F3: variants seen among roughly 807,000 people sequenced by gnomAD.
F3 encodes the protein coagulation factor III, tissue factor, also known as tissue factor.
A neutral mutation model predicts 33.5 loss-of-function variants in F3; 18 were observed. The ratio of observed to expected loss-of-function variants is 0.54; its 90% CI spans 0.37 to 0.80. The LOEUF is 0.80. F3 is among the 30% of genes least tolerant of loss of function. F3 has a pLI of 0.00. For synonymous variants in F3, 147 were observed against 140.7 expected, an observed-to-expected ratio of 1.05 and a Z score of -0.32; for missense variants, 353 against 362.1, an observed-to-expected ratio of 0.97 and a Z score of 0.20.
At chr1:94,541,193 T>C (rs139367309) in intron 1 of F3, 3 of 268,260 alleles carry the variant, frequency 1.1e-5, no homozygotes, top group African/African-American at 4.4e-5. Flanking sequence ...AGTCCTATCA[T>C]ATTGAAGGTC....
At chr1:94,532,248 G>A in intron 5 of F3, 73 bp downstream of exon 5, 1 of 1,429,012 alleles carries the variant, frequency 7.0e-7, no homozygotes, top group Non-Finnish European at 9.6e-7. Flanking sequence ...CCAGCCCTGA[G>A]GGTGGAGCTA....
rs776217411 is a variant in F3, at chr1:94,535,952, C to T, written c.412+13G>A. The T allele has an allele frequency of 1.4e-5, 22 of 1,613,478 alleles. No individual in the cohort carries two copies. Among genetic ancestry groups the T allele is most frequent in the Non-Finnish European group, 1.8e-5 (21 of 1,179,568 alleles). On this transcript the variant is annotated intron_variant, in intron 3 of 5. Coordinates refer to ENST00000334047, the MANE Select transcript of F3 (RefSeq NM_001993.5). ...TAACAAGAATGAACGGTATTACAGC[C>T]CAAGCCACTTACTCTCCAGGTAAGG...
In F3 at chr1:94,530,556, G is replaced by T; in HGVS notation, c.792C>A (p.Ile264=). ...ATATAGCCAGGATGATGACAAGGAT[G>T]ATGACCACAAATACCACAGCTCCAA... is the stretch of plus-strand genomic sequence containing the variant. ...YIIGAVVFVV[I]ILVIILAISL... The change falls in exon 6 of 6, where the codon ATC becomes ATA. Residue 264 remains isoleucine, a synonymous_variant. Transcript: ENST00000334047. The T allele has an allele frequency of 1.9e-6, 3 of 1,614,100 alleles. No individual in the cohort carries two copies. The highest frequency in any genetic ancestry group is 2.5e-6 in the Non-Finnish European group (3 of 1,180,016).
Position 94,541,597 on chromosome 1 carries a change from T to C in F3, c.40A>G (p.Thr14Ala), listed in dbSNP as rs1287742792. 2 of 1,466,206 alleles carry C rather than the reference T, an allele frequency of 1.4e-6. No homozygotes were observed. The highest frequency in any genetic ancestry group is 1.5e-5 in the African/African-American group (1 of 68,304). The allele number at this position is 1,466,206 out of a possible 1,614,324, so 90.8% of individuals were successfully genotyped here. ...AGCAGGAGCGTCCGAGCGACGGCGG[T>C]CTCGGGGCGCGGGACCCGGGGCCAG... ...PAWPRVPRPE[T>A]AVARTLLLGW... is the part of the protein sequence containing the mutation. Residue 14 changes from threonine (T) to alanine (A), a missense_variant, in exon 1 of 6, where the codon ACC (threonine) becomes GCC (alanine). Coordinates refer to ENST00000334047, the MANE Select transcript of F3 (RefSeq NM_001993.5).
At chr1:94,538,983 C>T (rs1400489016) in intron 2 of F3, among the ~76,000 whole-genome samples, 3 of 152,148 alleles carry the variant, frequency 2.0e-5, no homozygotes, top group Non-Finnish European at 4.4e-5. Flanking sequence ...TTAACAAAGG[C>T]TTATGTTTAA....
intron 3 of F3, among the ~76,000 whole-genome samples, chr1:94,535,083 C>G (rs902904258): frequency 1.3e-5 from 2 of 152,062 alleles, no homozygotes; most frequent in South Asian, 2.1e-4. Flanking sequence ...AAGTAGATAC[C>G]AGAGGAGGAT....
intron 4 of F3, chr1:94,532,881 G>A: frequency 1.7e-6 from 1 of 591,488 alleles, no homozygotes; most frequent in Non-Finnish European, 2.9e-6. Flanking sequence ...CTCCGAGGGG[G>A]CCCTGCCCAG....
At chr1:94,540,213 G>T in intron 2 of F3, 44 bp downstream of exon 2, 1 of 1,229,064 alleles carries the variant, frequency 8.1e-7, no homozygotes, top group South Asian at 1.2e-5. Flanking sequence ...TAGGACAGTA[G>T]AAACATCAAA....
At chr1:94,532,945 C>T in intron 4 of F3, 145 bp downstream of exon 4, 1 of 778,852 alleles carries the variant, frequency 1.3e-6, no homozygotes, top group South Asian at 1.8e-5. Flanking sequence ...GTCCACCCCT[C>T]CCCACAGTGC....
Position 94,540,259 on chromosome 1 carries a change from T to C in F3, c.210A>G (p.Ile70Met). Residue 70 changes from isoleucine to methionine, a missense_variant and splice_region_variant, in exon 2 of 6, where the codon ATA becomes ATG. Ile to Met is a conservative substitution (Grantham distance 10, BLOSUM62 1). Coordinates refer to ENST00000334047, the MANE Select transcript of F3 (RefSeq NM_001993.5). ...TTCTTTTTCTGTACCCAGCTTACCT[T>C]ATTTGAACAGTGTAGACTTGATTGA... ...KPVNQVYTVQ[I>M]STKSGDWKSK... 1 of 1,603,576 alleles carries C rather than the reference T, an allele frequency of 6.2e-7. No individual in the cohort carries two copies. Among genetic ancestry groups the C allele is most frequent in the South Asian group, 1.1e-5 (1 of 90,732 alleles).
chr1:94,539,375 A>G (rs538743748), intron 2 of F3, among the ~76,000 whole-genome samples: 135 of 152,354 alleles, frequency 8.9e-4, no homozygotes, highest in South Asian at 1.5e-3. Flanking sequence ...GTTATCTAGA[A>G]GTTGCATTCC....
chr1:94,534,747 T>C lies in F3; in HGVS notation c.412+1218A>G, dbSNP rs888308726. Among the ~76,000 whole-genome samples, 79 of 152,128 alleles carry C rather than the reference T, an allele frequency of 5.2e-4. 2 individuals carry two copies. Among genetic ancestry groups the C allele is most frequent in the Non-Finnish European group, 1.9e-4 (13 of 68,028 alleles). On this transcript the variant is annotated intron_variant, in intron 3 of 5. Transcript: ENST00000334047. ...TAAATGACAGGAAAACAAACATCAATTCACAGGCCAAATATGTGTGTGCAC... is the reference window on the plus strand; with the variant it reads ...TAAATGACAGGAAAACAAACATCAACTCACAGGCCAAATATGTGTGTGCAC...
intron 2 of F3, 113 bp from the exon 3 acceptor site, chr1:94,536,277 C>T: frequency 1.1e-6 from 1 of 905,002 alleles, no homozygotes; most frequent in Non-Finnish European, 1.8e-6. Flanking sequence ...GCCCTACAAT[C>T]AATCCTAATG....
rs550889949 is a variant in F3, at chr1:94,529,596, A to T, written c.*864T>A. 6.5e-6 allele frequency: 1 copy of T among 152,692 alleles called. No individual in the cohort carries two copies. The highest frequency in any genetic ancestry group is 2.1e-4 in the South Asian group (1 of 4,812). 9.5% of individuals were successfully genotyped at this position (152,692 alleles called of 1,614,324 possible). ...AAAGCATATTAGGAAGGTGCCCAGAATACCAATGTCTCCTGCACTTAACAC... is the reference window on the plus strand; with the variant it reads ...AAAGCATATTAGGAAGGTGCCCAGATTACCAATGTCTCCTGCACTTAACAC... On this transcript the variant is annotated 3_prime_UTR_variant, in exon 6 of 6. Transcript: ENST00000334047.
chr1:94,538,732 C>A (rs1348113280), intron 2 of F3, among the ~76,000 whole-genome samples: 1 of 152,176 alleles, frequency 6.6e-6, no homozygotes, highest in African/African-American at 2.4e-5. Flanking sequence ...TGCTCTGGTC[C>A]TTTTTAACCA....
chr1:94,532,233 A>G, intron 5 of F3, 88 bp downstream of exon 5: 1 of 1,276,504 alleles, frequency 7.8e-7, no homozygotes, highest in African/African-American at 1.5e-5. Flanking sequence ...CCAAGGAAGT[A>G]TATCCCAGCC....
intron 2 of F3, 147 bp from the exon 3 acceptor site, chr1:94,536,311 T>C (rs3917643): frequency 0.042 from 29,818 of 711,428 alleles, 849 homozygotes; most frequent in Non-Finnish European, 0.053. Flanking sequence ...GCTGAGCACT[T>C]TGCTTTTTTT....
At chr1:94,531,366 A>G (rs1169633407) in intron 5 of F3, among the ~76,000 whole-genome samples, 1 of 150,164 alleles carries the variant, frequency 6.7e-6, no homozygotes, top group Non-Finnish European at 1.5e-5. Context: ...CAGTGGTCCA[A>G]TCTCAGCTCA....
chr1:94,540,273 A>T lies in F3; in HGVS notation c.196T>A (p.Tyr66Asn). 1 of 1,612,240 alleles carries T rather than the reference A, an allele frequency of 6.2e-7. No homozygotes were observed. Among genetic ancestry groups the T allele is most frequent in the Non-Finnish European group, 8.5e-7 (1 of 1,178,328 alleles). ...CCAGCTTACCTTATTTGAACAGTGT[A>T]GACTTGATTGACGGGTTTGGGTTCC... ...EWEPKPVNQV[Y>N]TVQISTKSGD... Residue 66 changes from tyrosine (Y) to asparagine (N), a missense_variant, in exon 2 of 6, where the codon TAC becomes AAC. By Grantham distance (143) the Tyr-to-Asn change is moderately radical. Transcript: ENST00000334047.
Sources: allele counts gnomAD v4.1 joint callset (sites outside exome capture counted in the v4.1 genomes callset), GRCh38; gene constraint gnomAD v4.1.1; transcripts MANE v1.5; gene names NCBI Gene and HGNC (gene_info 2026-07-23, HGNC 2026-07-21).